TMEM80: variants seen among roughly 807,000 people sequenced by gnomAD.
TMEM80 encodes the protein transmembrane protein 80.
In TMEM80, 16 loss-of-function variants were observed where a neutral mutation model predicts 13.6. That is an observed-to-expected ratio of 1.17 (90% CI 0.79 to 1.78). TMEM80 has a LOEUF of 1.78. Among genes scored for constraint, TMEM80 ranks in the 40% most tolerant of loss-of-function variants. The pLI, the probability that TMEM80 is intolerant of heterozygous loss-of-function variation, is 0.00. For synonymous variants in TMEM80, 92 were observed against 89.5 expected (o/e 1.03, Z -0.16); for missense variants, 167 against 184.6 (o/e 0.90, Z 0.55).
chr11:700,968 A>G (rs1173459837), intron 4 of TMEM80: 2 of 470,512 alleles, frequency 4.3e-6, no homozygotes, highest in Non-Finnish European at 7.4e-6. Context: ...CCACTGGGTA[A>G]TGGCACTGAG....
downstream of TMEM80, chr11:704,522 C>G (rs1226576360): frequency 7.8e-7 from 1 of 1,289,468 alleles, no homozygotes; most frequent in Non-Finnish European, 1.0e-6. Flanking sequence ...CCTCCCTCAC[C>G]AGCGCCTGCA....
chr11:701,406 C>CTTTT (rs71022955), intron 4 of TMEM80, among the ~76,000 whole-genome samples: 17 of 64,898 alleles, frequency 2.6e-4, no homozygotes, highest in East Asian at 5.7e-4. Flanking sequence ...GACAAGGTTT[C>CTTTT]TTTTTTTTTT....
At chr11:695,951 C>G in intron 1 of TMEM80, 105 bp downstream of exon 1, 6 of 913,722 alleles carry the variant, frequency 6.6e-6, no homozygotes, top group Non-Finnish European at 8.6e-6. Flanking sequence ...CGGGGCCGTG[C>G]CACCGTCTCT....
At chr11:699,751 C>CAAA in intron 2 of TMEM80, 1 of 166,428 alleles carries the variant, frequency 6.0e-6, no homozygotes, top group Non-Finnish European at 1.3e-5. Context: ...GACTCTATCT[C>CAAA]AAAAAAAAAA....
At chr11:698,707 G>A (rs769331780) in intron 1 of TMEM80, among the ~76,000 whole-genome samples, 162 bp from the exon 2 acceptor site, 16 of 152,184 alleles carry the variant, frequency 1.1e-4, no homozygotes, top group Non-Finnish European at 1.5e-4. Context: ...AGAGAGGCAC[G>A]GGAGCTATCT....
At chr11:702,163 C>T (rs1861526947) in intron 4 of TMEM80, among the ~76,000 whole-genome samples, 1 of 152,194 alleles carries the variant, frequency 6.6e-6, no homozygotes, top group African/African-American at 2.4e-5. Context: ...GTTATCAGGC[C>T]TCAGACACAC....
At chr11:702,762 A>G (rs193091463) in intron 4 of TMEM80, among the ~76,000 whole-genome samples, 183 bp from the exon 5 acceptor site, 78 of 152,308 alleles carry the variant, frequency 5.1e-4, no homozygotes, top group African/African-American at 1.7e-3. Context: ...TGTGTTGCCC[A>G]TGCTCTCTGG....
chr11:704,513 C>A (rs1263955070), downstream of TMEM80: 1 of 1,289,322 alleles, frequency 7.8e-7, no homozygotes, highest in African/African-American at 1.5e-5. Context: ...CTCGGGCCAC[C>A]TCCCTCACCA....
At chr11:704,713 C>T, downstream of TMEM80, 1 of 1,215,290 alleles carries the variant, frequency 8.2e-7, no homozygotes, top group Non-Finnish European at 1.1e-6. Flanking sequence ...ACAGGGAACG[C>T]CATGGCTCCA....
chr11:704,367 G>A (rs1340943107), downstream of TMEM80: 1 of 1,064,548 alleles, frequency 9.4e-7, no homozygotes, highest in Non-Finnish European at 1.3e-6. Context: ...AGTCTTTCCT[G>A]CCTGTCTTCG....
At chr11:696,599 TA>T (rs879499347) in intron 1 of TMEM80, among the ~76,000 whole-genome samples, 280 of 145,928 alleles carry the variant, frequency 1.9e-3, no homozygotes, top group African/African-American at 6.5e-3. Flanking sequence ...ACCCCCTCTA[TA>T]AAAAAAAAAC....
At chr11:700,540 A>T in intron 3 of TMEM80, 75 bp from the exon 4 acceptor site, 9 of 1,193,908 alleles carry the variant, frequency 7.5e-6, no homozygotes, top group Non-Finnish European at 1.1e-5. Context: ...AAAAAAAAAA[A>T]GGAAAAGGCA....
chr11:701,515 AGTCTCCT>A (rs1199148488), intron 4 of TMEM80, among the ~76,000 whole-genome samples: 2 of 144,068 alleles, frequency 1.4e-5, no homozygotes, highest in Non-Finnish European at 3.0e-5. Flanking sequence ...GGTTCACGCC[AGTCTCCT>A]GTCTCAGCCT....
chr11:704,456 T>G, downstream of TMEM80: 1 of 1,289,288 alleles, frequency 7.8e-7, no homozygotes, highest in Non-Finnish European at 1.0e-6. Flanking sequence ...CACGGTGAGC[T>G]GCAGGACAGC....
Position 704,005 on chromosome 11 carries a change from C to T in TMEM80, c.*855C>T, listed in dbSNP as rs2133480973. The T allele has an allele frequency of 8.2e-7, 1 of 1,214,756 alleles. No individual in the cohort carries two copies. The allele number at this position is 1,214,756 out of a possible 1,614,324, so 75.2% of individuals were successfully genotyped here. On this transcript the variant is annotated 3_prime_UTR_variant, in exon 5 of 5. Coordinates refer to ENST00000397510, the MANE Select transcript of TMEM80 (RefSeq NM_001042463.3). The stretch of plus-strand genomic sequence containing the variant: ...TCCTTAAAAAGTATCTAAGCTGTTA[C>T]AGTAGCTTTCCCTTCACTTGATTCT...
chr11:703,451 C>CAG lies in TMEM80; in HGVS notation c.*302_*303dup. 7.8e-7 allele frequency: 1 copy of CAG among 1,275,252 alleles called. No homozygotes were observed. Among genetic ancestry groups the CAG allele is most frequent in the Non-Finnish European group, 9.9e-7 (1 of 1,013,496 alleles). 79.0% of individuals were successfully genotyped at this position (1,275,252 alleles called of 1,614,324 possible). On this transcript the variant is annotated 3_prime_UTR_variant, in exon 5 of 5. Transcript: ENST00000397510. The stretch of plus-strand genomic sequence containing the variant: ...GTCAGTGGGGTCTGGCTTTAGCAGC[C>CAG]AGGCCTCCACAGACCCCCATGGGCC...
chr11:695,679 G>A, upstream of TMEM80: 6 of 1,243,356 alleles, frequency 4.8e-6, no homozygotes, highest in South Asian at 3.9e-5. Context: ...CGGACTAATC[G>A]GGCCTCGGCC....
downstream of TMEM80, chr11:704,257 T>C (rs1861625649): frequency 3.8e-5 from 28 of 745,284 alleles, no homozygotes; most frequent in South Asian, 5.0e-4. Flanking sequence ...GCCGGGCGCC[T>C]TCCGCTCGGT....
At chr11:696,952 G>A (rs1453019252) in intron 1 of TMEM80, among the ~76,000 whole-genome samples, 4 of 147,798 alleles carry the variant, frequency 2.7e-5, no homozygotes, top group African/African-American at 7.4e-5. Flanking sequence ...GATGGTGCAT[G>A]CCTGTAATCC....
Sources: allele counts gnomAD v4.1 joint callset (sites outside exome capture counted in the v4.1 genomes callset), GRCh38; gene constraint gnomAD v4.1.1; transcripts MANE v1.5; gene names NCBI Gene and HGNC (gene_info 2026-07-23, HGNC 2026-07-21).